DAZAP2: variants seen among roughly 807,000 people sequenced by gnomAD.
The protein encoded by DAZAP2 is DAZ associated protein 2.
A neutral mutation model predicts 16.2 loss-of-function variants in DAZAP2; 3 were observed. The observed-to-expected ratio is 0.19, with a 90% CI of 0.08 to 0.48. The LOEUF is 0.48. Ranked by LOEUF, DAZAP2 falls within the 20% of genes least tolerant of loss-of-function variation. DAZAP2 has a pLI of 0.98. For synonymous variants in DAZAP2, 69 were observed against 77.6 expected, an observed-to-expected ratio of 0.89 and a Z score of 0.58; for missense variants, 172 against 215.9, an observed-to-expected ratio of 0.80 and a Z score of 1.27.
chr12:51,239,340 CTT>C (rs1305723947), intron 1 of DAZAP2: 1 of 197,810 alleles, frequency 5.1e-6, no homozygotes, highest in Non-Finnish European at 1.1e-5. Flanking sequence ...TGTGAGGTCT[CTT>C]TTCCTTCCCT....
chr12:51,240,363 A>C lies in DAZAP2; in HGVS notation c.34A>C (p.Thr12Pro), dbSNP rs771632951. The C allele has an allele frequency of 6.2e-7, 1 of 1,613,826 alleles. No individual in the cohort carries two copies. Among genetic ancestry groups the C allele is most frequent in the Non-Finnish European group, 8.5e-7 (1 of 1,179,984 alleles). ...NSKGQYPTQPTYPVQPPGNPV... is the reference protein window; with the variant it reads ...NSKGQYPTQPPYPVQPPGNPV... ...TTCAGGTCAATATCCAACACAGCCA[A>C]CCTACCCTGTGCAGCCTCCTGGGAA... is the stretch of plus-strand genomic sequence containing the variant. The change falls in exon 2 of 4, where the codon ACC becomes CCC. Residue 12 changes from threonine (T) to proline (P), a missense_variant. Coordinates refer to ENST00000412716, the MANE Select transcript of DAZAP2 (RefSeq NM_014764.4).
intron 1 of DAZAP2, chr12:51,239,323 C>A: frequency 9.2e-6 from 2 of 217,714 alleles, no homozygotes; most frequent in South Asian, 1.3e-4. Context: ...GTTCGTGGGC[C>A]GGGGCCTGTG....
intron 1 of DAZAP2, 84 bp downstream of exon 1, chr12:51,239,004 G>A: frequency 6.3e-7 from 1 of 1,575,944 alleles, no homozygotes; most frequent in African/African-American, 1.4e-5. Context: ...GTCACCAAAC[G>A]CCAGGTTTGG....
Position 51,241,029 on chromosome 12 carries a change from C to G in DAZAP2, c.291C>G (p.Ile97Met). Residue 97 changes from isoleucine to methionine, a missense_variant, in exon 3 of 4, where the codon ATC (isoleucine) becomes ATG (methionine). Ile to Met is a conservative substitution (Grantham distance 10). Coordinates refer to ENST00000412716, the MANE Select transcript of DAZAP2 (RefSeq NM_014764.4). ...TGGCTTATTATCCAGTCGGTCCCATCTATCCACCTGGCTCCACAGTGCTGG... is the reference window on the plus strand; with the variant it reads ...TGGCTTATTATCCAGTCGGTCCCATGTATCCACCTGGCTCCACAGTGCTGG... Reference protein sequence around the residue: ...IPMAYYPVGPIYPPGSTVLVE... With the variant: ...IPMAYYPVGPMYPPGSTVLVE... The G allele has an allele frequency of 2.5e-6, 4 of 1,614,218 alleles. No individual in the cohort carries two copies. Among genetic ancestry groups the G allele is most frequent in the Non-Finnish European group, 3.4e-6 (4 of 1,180,054 alleles).
chr12:51,242,811 C>T lies in DAZAP2; in HGVS notation c.*353C>T, dbSNP rs1052999201. On this transcript the variant is annotated 3_prime_UTR_variant, in exon 4 of 4. Transcript: ENST00000412716. ...TAGGTTTGGAGGGAACTTTGATCTT[C>T]CTAAGAATTAAAGTTGCCAAATTAT... 2.5e-5 allele frequency: 35 copies of T among 1,396,084 alleles called. No homozygotes were observed. The highest frequency in any genetic ancestry group is 5.2e-4 in the Middle Eastern group (2 of 3,816). The allele number at this position is 1,396,084 out of a possible 1,614,324, so 86.5% of individuals were successfully genotyped here. A position where few individuals can be genotyped will look rare whatever the true frequency, so the allele number is the denominator to read the frequency against.
In DAZAP2 at chr12:51,243,199, T is replaced by G; in HGVS notation, c.*741T>G. 1 of 985,908 alleles carries G rather than the reference T, an allele frequency of 1.0e-6. No individual in the cohort carries two copies. The highest frequency in any genetic ancestry group is 1.2e-6 in the Non-Finnish European group (1 of 830,016). The allele number at this position is 985,908 out of a possible 1,614,324, so 61.1% of individuals were successfully genotyped here. A position where few individuals can be genotyped will look rare whatever the true frequency, so the allele number is the denominator to read the frequency against. On this transcript the variant is annotated 3_prime_UTR_variant, in exon 4 of 4. Transcript: ENST00000412716. ...GCCCTCCTCATAGGTTGTCTCTGCA[T>G]ACACGAACCTAACCCAAATTTGCTT...
rs1944723865 is a variant in DAZAP2 at position 51,243,693 on chromosome 12, C to T, written c.*1235C>T. The T allele has an allele frequency of 1.0e-6, 1 of 985,596 alleles. No homozygotes were observed. Among genetic ancestry groups the T allele is most frequent in the Non-Finnish European group, 1.2e-6 (1 of 829,720 alleles). The allele number at this position is 985,596 out of a possible 1,614,324, so 61.1% of individuals were successfully genotyped here. A position where few individuals can be genotyped will look rare whatever the true frequency, so the allele number is the denominator to read the frequency against. On this transcript the variant is annotated 3_prime_UTR_variant, in exon 4 of 4. Coordinates refer to ENST00000412716, the MANE Select transcript of DAZAP2 (RefSeq NM_014764.4). ...TCAGCGTTGTATGTCTCTCTCTACA[C>T]TGTGGTGCACTTAACTTGTGGAATT...
chr12:51,240,433 A>G lies in DAZAP2; in HGVS notation c.104A>G (p.Tyr35Cys), dbSNP rs1339001633. The G allele has an allele frequency of 1.9e-6, 3 of 1,614,102 alleles. No individual in the cohort carries two copies. The highest frequency in any genetic ancestry group is 1.7e-5 in the Admixed American group (1 of 60,012). ...TTGCATCTTCCTCAGGCTCCACCCT[A>G]TACCGATGCTCCACCTGCCTACTCA... The part of the protein sequence containing the change: ...QTLHLPQAPP[Y>C]TDAPPAYSEL... Residue 35 changes from tyrosine (Y) to cysteine (C), a missense_variant, in exon 2 of 4, where the codon TAT becomes TGT. Transcript: ENST00000412716.
chr12:51,240,631 A>T (rs1944659005), intron 2 of DAZAP2, 170 bp downstream of exon 2: 1 of 845,628 alleles, frequency 1.2e-6, no homozygotes, highest in East Asian at 2.6e-5. Flanking sequence ...GCATTATTTG[A>T]TGATTTTGTG....
intron 1 of DAZAP2, chr12:51,239,138 A>T (rs533898189): frequency 6.5e-6 from 4 of 619,836 alleles, no homozygotes; most frequent in South Asian, 2.2e-5. Context: ...TCTGTGGCGC[A>T]GTTTGGAGCT....
downstream of DAZAP2, chr12:51,245,986 C>T (rs367731889): frequency 6.2e-7 from 1 of 1,613,978 alleles, no homozygotes; most frequent in African/African-American, 1.3e-5. Context: ...CCAAGTCACT[C>T]TCCATCTGGA....
At chr12:51,245,880 A>C, downstream of DAZAP2, 1 of 1,541,538 alleles carries the variant, frequency 6.5e-7, no homozygotes, top group East Asian at 2.3e-5. Flanking sequence ...ACTTTCCCAT[A>C]ATAAGCAGTC....
downstream of DAZAP2, chr12:51,245,882 T>C (rs1297257427): frequency 6.5e-7 from 1 of 1,544,822 alleles, no homozygotes; most frequent in Admixed American, 1.9e-5. Context: ...TTTCCCATAA[T>C]AAGCAGTCAA....
chr12:51,239,941 G>C (rs1228190879), intron 1 of DAZAP2: 3 of 192,476 alleles, frequency 1.6e-5, no homozygotes, highest in Non-Finnish European at 2.2e-5. Context: ...AGGAAAATCA[G>C]AACTGCTGTT....
At chr12:51,246,477 C>T (rs531245167), downstream of DAZAP2, 2 of 431,034 alleles carry the variant, frequency 4.6e-6, no homozygotes, top group South Asian at 5.2e-5. Context: ...ACTCAACCAA[C>T]CACATATATC....
At chr12:51,246,527 C>T, downstream of DAZAP2, 1 of 459,066 alleles carries the variant, frequency 2.2e-6, no homozygotes, top group South Asian at 4.6e-5. Flanking sequence ...CGTCCGTATG[C>T]ATATCTATTT....
chr12:51,240,437 C>A lies in DAZAP2; in HGVS notation c.108C>A (p.Thr36=), dbSNP rs750548316. The A allele has an allele frequency of 7.4e-6, 12 of 1,613,920 alleles. No homozygotes were observed. Among genetic ancestry groups the A allele is most frequent in the Non-Finnish European group, 1.0e-5 (12 of 1,179,946 alleles). ...TLHLPQAPPY[T]DAPPAYSELY... ...ATCTTCCTCAGGCTCCACCCTATACCGATGCTCCACCTGCCTACTCAGAGG... is the reference window on the plus strand; with the variant it reads ...ATCTTCCTCAGGCTCCACCCTATACAGATGCTCCACCTGCCTACTCAGAGG... Residue 36 remains threonine, a synonymous_variant, in exon 2 of 4, where the codon ACC becomes ACA. Coordinates refer to ENST00000412716, the MANE Select transcript of DAZAP2 (RefSeq NM_014764.4).
chr12:51,242,463 C>G lies in DAZAP2; in HGVS notation c.*5C>G, dbSNP rs377252029. 94 of 1,613,986 alleles carry G rather than the reference C, an allele frequency of 5.8e-5. No homozygotes were observed. Among genetic ancestry groups the G allele is most frequent in the Non-Finnish European group, 7.7e-5 (91 of 1,180,046 alleles). On this transcript the variant is annotated 3_prime_UTR_variant, in exon 4 of 4. Coordinates refer to ENST00000412716, the MANE Select transcript of DAZAP2 (RefSeq NM_014764.4). ...GGTGGCTACACCATCTGGTGAGGAA[C>G]CAAGGCCACCTCTGTGCCGGGAAAG...
chr12:51,242,688 A>G lies in DAZAP2; in HGVS notation c.*230A>G. The G allele has an allele frequency of 2.0e-6, 3 of 1,507,732 alleles. No individual in the cohort carries two copies. The highest frequency in any genetic ancestry group is 2.6e-5 in the South Asian group (2 of 76,598). 93.4% of individuals were successfully genotyped at this position (1,507,732 alleles called of 1,614,324 possible). On this transcript the variant is annotated 3_prime_UTR_variant, in exon 4 of 4. Coordinates refer to ENST00000412716, the MANE Select transcript of DAZAP2 (RefSeq NM_014764.4). ...GGTAGGGGAGGTATCCATTCATAAA[A>G]TGAATGTGGGTGAAGCCGCCCTAAG... is the stretch of plus-strand genomic sequence containing the variant.
Sources: gnomAD v4.1 joint callset for allele counts on GRCh38, gnomAD v4.1.1 for gene constraint, MANE v1.5 for transcripts, NCBI Gene and HGNC (gene_info 2026-07-23, HGNC 2026-07-21) for gene names.